ADAP1: variants seen among roughly 807,000 people sequenced by gnomAD.
The protein encoded by ADAP1 is arf-GAP with dual PH domain-containing protein 1.
ADAP1 carries 31 observed loss-of-function variants against 54.9 expected under a neutral mutation model. The ratio of observed to expected loss-of-function variants is 0.56; its 90% confidence interval spans 0.42 to 0.76. The LOEUF (loss-of-function observed/expected upper bound fraction) is 0.76, where lower values mean the gene tolerates loss of function less well. Ranked by LOEUF, ADAP1 falls within the 30% of genes least tolerant of loss-of-function variation. The probability of loss-of-function intolerance (pLI) is 0.00; values close to 1 mark genes in which losing one functional copy is unlikely to be tolerated. For missense variants in ADAP1, 535 were observed against 512.4 expected (o/e 1.04, Z -0.42); for synonymous variants, 313 against 202.6 (o/e 1.55, Z -4.63).
At chr7:930,541 T>C (rs1846540145) in intron 2 of ADAP1, among the ~76,000 whole-genome samples, 1 of 150,756 alleles carries the variant, frequency 6.6e-6, no homozygotes, top group African/African-American at 2.4e-5. Context: ...TAGCCAGGGC[T>C]GGCGCGGTGG....
At chr7:944,243 T>C (rs1847082656) in intron 1 of ADAP1, among the ~76,000 whole-genome samples, 1 of 151,068 alleles carries the variant, frequency 6.6e-6, no homozygotes, top group Non-Finnish European at 1.5e-5. Context: ...TATTTTTCTT[T>C]ATATTTTTAA....
At chr7:953,226 C>G (rs1235127182) in intron 1 of ADAP1, among the ~76,000 whole-genome samples, 2 of 152,240 alleles carry the variant, frequency 1.3e-5, no homozygotes, top group Non-Finnish European at 2.9e-5. Context: ...TGTGGCCGTC[C>G]TGTCTCAGGA....
In ADAP1 at chr7:898,870, CTCCG is replaced by C. The variant is rs904553437; in HGVS notation, c.*47_*50del. On this transcript the variant is annotated 3_prime_UTR_variant, in exon 11 of 11. Coordinates refer to ENST00000265846, the MANE Select transcript of ADAP1 (RefSeq NM_006869.4). The stretch of plus-strand genomic sequence containing the variant: ...CAGAGCCCCCCCATCCACGGGTCCC[CTCCG>C]TCCAGCCACAGTGAGTCCAATGTCC... 4 of 1,564,950 alleles carry C rather than the reference CTCCG, an allele frequency of 2.6e-6. No homozygotes were observed. In the African/African-American group the frequency reaches 5.4e-5, roughly 21 times the overall value.
chr7:902,571 G>A (rs1562907795), intron 6 of ADAP1, among the ~76,000 whole-genome samples: 2 of 151,650 alleles, frequency 1.3e-5, no homozygotes, highest in Admixed American at 1.3e-4. Flanking sequence ...ACACAGTGTT[G>A]GAGACAAAGT....
At chr7:912,021 G>A (rs182527547) in intron 4 of ADAP1, among the ~76,000 whole-genome samples, 56 of 152,276 alleles carry the variant, frequency 3.7e-4, no homozygotes, top group African/African-American at 1.2e-3. Context: ...TAGCGCCCTC[G>A]TGCCGCACAC....
At chr7:911,507 G>T (rs1845720886) in intron 4 of ADAP1, among the ~76,000 whole-genome samples, 1 of 152,068 alleles carries the variant, frequency 6.6e-6, no homozygotes, top group Non-Finnish European at 1.5e-5. Flanking sequence ...AGCGAACCCT[G>T]ACTCCTGTAA....
chr7:954,696 G>C (rs1485746637), upstream of ADAP1: 14 of 981,438 alleles, frequency 1.4e-5, no homozygotes, highest in Non-Finnish European at 1.7e-5. Flanking sequence ...CGCGGGGCCC[G>C]GGGCGCACGC....
At chr7:918,673 C>T (rs1200198221) in intron 4 of ADAP1, among the ~76,000 whole-genome samples, 1 of 152,176 alleles carries the variant, frequency 6.6e-6, no homozygotes, top group Admixed American at 6.5e-5. Flanking sequence ...CCCGTGCTGA[C>T]GTTCAGAACC....
In ADAP1 at chr7:899,476, G is replaced by A; in HGVS notation, c.810C>T (p.Phe270=). ...CATCCATGGTGAACCAGCGCTTCCG[G>A]AAGCCTTCCGTTTGCTGTGGGTCAG... ...EKTGPKQTEG[F]RKRWFTMDDR... The change falls in exon 9 of 11, where the codon TTC becomes TTT. Residue 270 remains phenylalanine, a synonymous_variant. Coordinates refer to ENST00000265846, the MANE Select transcript of ADAP1 (RefSeq NM_006869.4). The A allele has an allele frequency of 6.2e-7, 1 of 1,613,050 alleles. No homozygotes were observed. The highest frequency in any genetic ancestry group is 1.6e-4 in the Middle Eastern group (1 of 6,062).
intron 2 of ADAP1, among the ~76,000 whole-genome samples, chr7:928,690 C>G (rs1177210408): frequency 6.6e-6 from 1 of 152,228 alleles, no homozygotes; most frequent in African/African-American, 2.4e-5. Context: ...ATGGCAAGGT[C>G]AAAGTGGCAC....
intron 2 of ADAP1, chr7:927,550 C>T (rs2128107036): frequency 2.1e-6 from 1 of 467,524 alleles, no homozygotes; most frequent in Non-Finnish European, 4.4e-6. Context: ...CATCACCCTG[C>T]TCCGAGGATC....
chr7:921,138 G>A (rs989916532), intron 3 of ADAP1, among the ~76,000 whole-genome samples: 5 of 152,130 alleles, frequency 3.3e-5, no homozygotes, highest in South Asian at 2.1e-4. Flanking sequence ...TCAAGGCGTC[G>A]GCCGAGCTGG....
intron 1 of ADAP1, among the ~76,000 whole-genome samples, chr7:949,340 AT>A (rs1352726452): frequency 6.6e-6 from 1 of 152,170 alleles, no homozygotes; most frequent in Admixed American, 6.5e-5. Flanking sequence ...CTGTTTCCTC[AT>A]TCTTTCATTT....
chr7:943,234 AAGGG>A (rs1171194043), intron 1 of ADAP1, among the ~76,000 whole-genome samples: 7 of 26,900 alleles, frequency 2.6e-4, no homozygotes, highest in African/African-American at 7.0e-4. Flanking sequence ...GAGGAGGAGG[AAGGG>A]AGAGAGGAGG....
At chr7:906,623 A>AGAAAGG (rs1362177370) in intron 4 of ADAP1, among the ~76,000 whole-genome samples, 3 of 62,764 alleles carry the variant, frequency 4.8e-5, no homozygotes, top group East Asian at 1.2e-3. Flanking sequence ...AAGGGAAAGG[A>AGAAAGG]GAAAGGAGAA....
chr7:900,480 CCCACCCCA>C, intron 7 of ADAP1, 45 bp downstream of exon 7: 1 of 1,385,800 alleles, frequency 7.2e-7, no homozygotes. Context: ...CCGTCCACCC[CCCACCCCA>C]CCACCCCTGT....
At chr7:939,861 G>A (rs990225528) in intron 1 of ADAP1, among the ~76,000 whole-genome samples, 2 of 151,608 alleles carry the variant, frequency 1.3e-5, no homozygotes, top group Admixed American at 6.6e-5. Flanking sequence ...GCCAATGTCT[G>A]CTTAGAGGGA....
intron 6 of ADAP1, chr7:901,011 T>G: frequency 2.1e-6 from 1 of 480,972 alleles, no homozygotes; most frequent in South Asian, 1.5e-5. Flanking sequence ...TGAAGATCCT[T>G]ATTTTGTAGC....
At chr7:903,922 T>C (rs62430820) in intron 6 of ADAP1, 17 of 598,372 alleles carry the variant, frequency 2.8e-5, no homozygotes, top group Non-Finnish European at 4.4e-5. Flanking sequence ...TGTCTTCCCA[T>C]GCTGCCCGGC....
Sources: allele counts gnomAD v4.1 joint callset (sites outside exome capture counted in the v4.1 genomes callset), GRCh38; gene constraint gnomAD v4.1.1; transcripts MANE v1.5; gene names NCBI Gene and HGNC (gene_info 2026-07-23, HGNC 2026-07-21).